PTPRN2: variants seen among roughly 807,000 people sequenced by gnomAD.
PTPRN2 encodes the protein protein tyrosine phosphatase receptor type N2.
PTPRN2 carries 74 observed loss-of-function variants against 118.8 expected under a neutral mutation model. That is an observed-to-expected ratio of 0.62 (90% CI 0.52 to 0.76). The LOEUF (loss-of-function observed/expected upper bound fraction) is 0.76, where lower values mean the gene tolerates loss of function less well. Ranked by LOEUF, PTPRN2 falls within the 30% of genes least tolerant of loss-of-function variation. The pLI, the probability that PTPRN2 is intolerant of heterozygous loss-of-function variation, is 0.00. For missense variants in PTPRN2, 1,481 were observed against 1,394.4 expected (o/e 1.06, Z -0.99); for synonymous variants, 641 against 608.0 (o/e 1.05, Z -0.80).
chr7:157,705,146 A>G (rs1798262132), intron 12 of PTPRN2, among the ~76,000 whole-genome samples: 1 of 152,220 alleles, frequency 6.6e-6, no homozygotes, highest in South Asian at 2.1e-4. Flanking sequence ...TCTACTAAAA[A>G]TACAAAAAAA....
At chr7:158,296,420 C>T (rs775427846) in intron 3 of PTPRN2, among the ~76,000 whole-genome samples, 22 of 152,180 alleles carry the variant, frequency 1.4e-4, no homozygotes, top group East Asian at 3.9e-4. Flanking sequence ...TAAAACCTTG[C>T]GCTCATTCTC....
chr7:158,284,862 T>G lies in PTPRN2; in HGVS notation c.277+31957A>C, dbSNP rs1799666983. On this transcript the variant is annotated intron_variant, in intron 3 of 22. Transcript: ENST00000389418. ...CTGCCTGAGCTCGTTGAGCTGGACTTTTAAAGCAGCAGTGCCTCAATATGC... is the reference window on the plus strand; with the variant it reads ...CTGCCTGAGCTCGTTGAGCTGGACTGTTAAAGCAGCAGTGCCTCAATATGC... Among the ~76,000 whole-genome samples, 4 of 152,230 alleles carry G rather than the reference T, an allele frequency of 2.6e-5. No individual in the cohort carries two copies. In the South Asian group the frequency reaches 8.3e-4, roughly 32 times the overall value.
chr7:157,928,733 G>A (rs2128777541), intron 11 of PTPRN2, among the ~76,000 whole-genome samples: 1 of 149,146 alleles, frequency 6.7e-6, no homozygotes, highest in South Asian at 2.1e-4. Context: ...GGGGCAGAGG[G>A]TGGAAGATGA....
chr7:157,985,915 C>A (rs1473436388), intron 11 of PTPRN2, among the ~76,000 whole-genome samples: 1 of 152,060 alleles, frequency 6.6e-6, no homozygotes, highest in Non-Finnish European at 1.5e-5. Flanking sequence ...AGCAGGGAGA[C>A]CAGCCAGACA....
chr7:157,751,222 C>T (rs890961773), intron 12 of PTPRN2, among the ~76,000 whole-genome samples: 3 of 152,026 alleles, frequency 2.0e-5, no homozygotes, highest in Non-Finnish European at 4.4e-5. Flanking sequence ...AAGGGAAGCT[C>T]GTGGATGGGG....
rs1800942228 is a variant in PTPRN2 at position 157,590,755 on chromosome 7, G to A, written c.2496+4483C>T. 6.6e-6 allele frequency among the ~76,000 whole-genome samples: 1 copy of A among 152,114 alleles called. No homozygotes were observed. The highest frequency in any genetic ancestry group is 1.5e-5 in the Non-Finnish European group (1 of 68,022). On this transcript the variant is annotated intron_variant, in intron 17 of 22. Transcript: ENST00000389418. The surrounding 1 kb of genome is among the most constrained non-coding windows in gnomAD (Gnocchi z 4.0). Reference sequence around the variant, plus strand: ...CACCGAGGGGACTTCCCCTGAACCCGTCTTCCAGGCTCCCCCCTTCTGGAC... The same window carrying A: ...CACCGAGGGGACTTCCCCTGAACCCATCTTCCAGGCTCCCCCCTTCTGGAC...
At chr7:157,885,495 C>T (rs922819933) in intron 12 of PTPRN2, among the ~76,000 whole-genome samples, 6 of 152,188 alleles carry the variant, frequency 3.9e-5, no homozygotes, top group African/African-American at 1.2e-4. Flanking sequence ...GATGCACCCG[C>T]CTGACGCTGG....
At chr7:158,076,861 G>C (rs553109134) in intron 11 of PTPRN2, among the ~76,000 whole-genome samples, 7 of 152,166 alleles carry the variant, frequency 4.6e-5, no homozygotes, top group Non-Finnish European at 1.0e-4. Flanking sequence ...TGGAGGGCAG[G>C]GCCACTGACA....
chr7:158,042,055 T>C (rs1361362779), intron 11 of PTPRN2, among the ~76,000 whole-genome samples: 1 of 152,170 alleles, frequency 6.6e-6, no homozygotes, highest in Non-Finnish European at 1.5e-5. Flanking sequence ...ACAAGAACGA[T>C]CACAGGCCCA....
At chr7:157,860,437 T>A (rs57426645) in intron 12 of PTPRN2, among the ~76,000 whole-genome samples, 1 of 152,156 alleles carries the variant, frequency 6.6e-6, no homozygotes, top group Non-Finnish European at 1.5e-5. Context: ...TATCGAACAC[T>A]CTTGGAGCTT....
intron 15 of PTPRN2, among the ~76,000 whole-genome samples, chr7:157,613,385 G>T (rs1298165587): frequency 6.6e-6 from 1 of 152,212 alleles, no homozygotes; most frequent in Non-Finnish European, 1.5e-5. Flanking sequence ...GGGGAGACAC[G>T]GGCGGAGGCG....
At chr7:158,079,793 G>A (rs565528972) in intron 11 of PTPRN2, among the ~76,000 whole-genome samples, 177 of 152,312 alleles carry the variant, frequency 1.2e-3, no homozygotes, top group African/African-American at 3.5e-3. Flanking sequence ...TTCCTCTTGC[G>A]TGGGAGTGTT....
intron 1 of PTPRN2, among the ~76,000 whole-genome samples, chr7:158,576,638 A>T (rs1828335384): frequency 6.6e-6 from 1 of 152,226 alleles, no homozygotes; most frequent in Non-Finnish European, 1.5e-5. Flanking sequence ...GCCATGGCTG[A>T]CAGCCAGTGG....
intron 6 of PTPRN2, among the ~76,000 whole-genome samples, chr7:158,164,350 G>A (rs1177559451): frequency 8.9e-5 from 12 of 135,182 alleles, no homozygotes; most frequent in African/African-American, 2.8e-4. Flanking sequence ...GGAGTGGCGC[G>A]TAAGAAGGGC....
intron 2 of PTPRN2, among the ~76,000 whole-genome samples, chr7:158,327,706 G>T (rs946030953): frequency 6.6e-6 from 1 of 152,182 alleles, no homozygotes; most frequent in Non-Finnish European, 1.5e-5. Flanking sequence ...TGCCTCCCCT[G>T]CTGGGGTCCC....
At chr7:158,169,417 AGTGT>A (rs375257745) in intron 5 of PTPRN2, among the ~76,000 whole-genome samples, 2,604 of 136,540 alleles carry the variant, frequency 0.019, 26 homozygotes, top group East Asian at 0.031. Context: ...TGCTTTTGTG[AGTGT>A]GTGTGTGTGT....
intron 11 of PTPRN2, among the ~76,000 whole-genome samples, chr7:158,075,744 G>T (rs1812304460): frequency 6.6e-6 from 1 of 152,220 alleles, no homozygotes; most frequent in Admixed American, 6.5e-5. Context: ...CCCACTCTGG[G>T]TGACACCTCA....
rs55678584 is a variant in PTPRN2 at position 157,982,006 on chromosome 7, A to G, written c.1724-83269T>C. Among the ~76,000 whole-genome samples the G allele has an allele frequency of 2.3e-3, 324 of 143,072 alleles. 5 individuals are homozygous for G. The highest frequency in any genetic ancestry group is 0.01 in the Admixed American group (138 of 13,352). 93.9% of individuals were successfully genotyped at this position (143,072 alleles called of 152,430 possible). A position where few individuals can be genotyped will look rare whatever the true frequency, so the allele number is the denominator to read the frequency against. On this transcript the variant is annotated intron_variant, in intron 11 of 22. Coordinates refer to ENST00000389418, the MANE Select transcript of PTPRN2 (RefSeq NM_002847.5). ...CCCAGAACCCCTGAGTCATAGAGACAAGGAGGGGAATGCAGAGTGTGGGGT... is the reference window on the plus strand; with the variant it reads ...CCCAGAACCCCTGAGTCATAGAGACGAGGAGGGGAATGCAGAGTGTGGGGT...
chr7:157,720,718 GT>G (rs1268392279), intron 12 of PTPRN2, among the ~76,000 whole-genome samples: 2 of 152,214 alleles, frequency 1.3e-5, no homozygotes, highest in Admixed American at 1.3e-4. Context: ...ACGGCAAATG[GT>G]GAGCGTGCCT....
Sources: allele counts gnomAD v4.1 joint callset (sites outside exome capture counted in the v4.1 genomes callset), GRCh38; gene constraint gnomAD v4.1.1; non-coding constraint Gnocchi (gnomAD v3.1); transcripts MANE v1.5; gene names NCBI Gene and HGNC (gene_info 2026-07-23, HGNC 2026-07-21).